TET2: variants seen among roughly 807,000 people sequenced by gnomAD.
TET2 encodes tet methylcytosine dioxygenase 2.
Under a neutral mutation model 142.9 loss-of-function variants are expected in TET2, and 299 were observed. The ratio of observed to expected loss-of-function variants is 2.09; its 90% CI spans 1.90 to 2.30. TET2 has a LOEUF of 2.30. TET2 is among the 30% of genes most tolerant of loss of function. The pLI is 0.00. For missense variants in TET2, 2,418 were observed against 2,378.0 expected, an observed-to-expected ratio of 1.02 and a Z score of -0.35; for synonymous variants, 819 against 849.0, an observed-to-expected ratio of 0.96 and a Z score of 0.61.
chr4:105,216,640 G>C (rs889449256), intron 2 of TET2, among the ~76,000 whole-genome samples: 1 of 152,002 alleles, frequency 6.6e-6, no homozygotes, highest in African/African-American at 2.4e-5. Context: ...ATTTGCCACA[G>C]GTTAAAGCAG....
intron 6 of TET2, among the ~76,000 whole-genome samples, chr4:105,248,432 G>A (rs1454467904): frequency 6.6e-6 from 1 of 152,084 alleles, no homozygotes; most frequent in Non-Finnish European, 1.5e-5. Context: ...GTAAATCAAA[G>A]GTTAAGAATT....
At position 105,272,894 on chromosome 4, in the gene TET2, G is replaced by A. The variant is rs765803723; in HGVS notation, c.4513G>A (p.Ala1505Thr). ...ATCACGTACAAAACAAACTGAAAAC[G>A]CAAGCCAGGCTAAACAGTTGGCAGG... Reference protein sequence around the residue: ...APSRTKQTENASQAKQLAELL... With the variant: ...APSRTKQTENTSQAKQLAELL... The change falls in exon 10 of 11, where the codon GCA (alanine) becomes ACA (threonine). Residue 1505 changes from alanine (A) to threonine (T), a missense_variant. Coordinates refer to ENST00000380013, the MANE Select transcript of TET2 (RefSeq NM_001127208.3). The A allele has an allele frequency of 1.6e-4, 243 of 1,542,290 alleles. No individual in the cohort carries two copies. Among genetic ancestry groups the A allele is most frequent in the Non-Finnish European group, 1.9e-4 (214 of 1,143,714 alleles).
intron 1 of TET2, among the ~76,000 whole-genome samples, chr4:105,185,646 G>T (rs1224051881): frequency 2.0e-5 from 3 of 152,124 alleles, no homozygotes. Flanking sequence ...AGGCGTGGGG[G>T]CATGCGCCTG....
At chr4:105,237,516 T>C in intron 3 of TET2, 165 bp downstream of exon 3, 1 of 1,587,040 alleles carries the variant, frequency 6.3e-7, no homozygotes. Context: ...TACCGATGCT[T>C]GTGTCTTGTG....
intron 2 of TET2, chr4:105,202,628 G>A (rs1377967395): frequency 6.6e-6 from 1 of 152,030 alleles, no homozygotes; most frequent in East Asian, 1.9e-4. Context: ...TTTCCTTAAA[G>A]GCAGTCATTT....
chr4:105,266,809 G>A (rs1370035902), intron 8 of TET2, among the ~76,000 whole-genome samples: 8 of 151,876 alleles, frequency 5.3e-5, no homozygotes, highest in Admixed American at 4.6e-4. Context: ...GGAGGTGGGA[G>A]ACAGAAAAAT....
intron 2 of TET2, among the ~76,000 whole-genome samples, 199 bp from the exon 3 acceptor site, chr4:105,233,698 C>T (rs1279764082): frequency 6.6e-6 from 1 of 152,076 alleles, no homozygotes; most frequent in Non-Finnish European, 1.5e-5. Context: ...TTTAGAGTTG[C>T]TATGAAGACA....
chr4:105,236,676 G>GC lies in TET2; in HGVS notation c.2735dup (p.Gln913AlafsTer11). 1 of 1,614,086 alleles carries GC rather than the reference G, an allele frequency of 6.2e-7. No individual in the cohort carries two copies. The highest frequency in any genetic ancestry group is 1.1e-5 in the South Asian group (1 of 91,086). On this transcript the variant is annotated frameshift_variant, in exon 3 of 11. Transcript: ENST00000380013. LOFTEE classifies it high-confidence loss of function. Reference sequence around the variant, plus strand: ...CCAAGATATGTCTGGTCAACAAGCTGCGCAACTTGCTCAGCAAAGGTACTT... The same window carrying GC: ...CCAAGATATGTCTGGTCAACAAGCTGCCGCAACTTGCTCAGCAAAGGTACTT...
At chr4:105,191,937 C>G (rs563320713) in intron 2 of TET2, among the ~76,000 whole-genome samples, 2 of 152,264 alleles carry the variant, frequency 1.3e-5, no homozygotes, top group Admixed American at 1.3e-4. Context: ...TCTTTCCCCT[C>G]TCATGCTGGA....
chr4:105,182,537 A>G (rs1725180271), intron 1 of TET2, among the ~76,000 whole-genome samples: 1 of 152,216 alleles, frequency 6.6e-6, no homozygotes, highest in African/African-American at 2.4e-5. Flanking sequence ...GACACTTGCA[A>G]TTTTGCAGAA....
At chr4:105,225,836 A>C (rs759242288) in intron 2 of TET2, among the ~76,000 whole-genome samples, 3 of 152,204 alleles carry the variant, frequency 2.0e-5, no homozygotes, top group Non-Finnish European at 4.4e-5. Flanking sequence ...TTCATAAATC[A>C]TCCTCAAATA....
chr4:105,240,675 C>A, intron 3 of TET2: 1 of 1,080,328 alleles, frequency 9.3e-7, no homozygotes, highest in Non-Finnish European at 1.1e-6. Flanking sequence ...TAATCGTCTT[C>A]ACTCTTCTCT....
chr4:105,275,436 C>T lies in TET2; in HGVS notation c.4926C>T (p.Cys1642=). 6.4e-7 allele frequency: 1 copy of T among 1,551,702 alleles called. No homozygotes were observed. The highest frequency in any genetic ancestry group is 8.7e-7 in the Non-Finnish European group (1 of 1,146,980). The stretch of plus-strand genomic sequence containing the variant: ...ATGGAAACCTATCAGTGGACAACTG[C>T]TCCCCATATCTGGGTTCCTATTCTC... ...QCNGNLSVDN[C]SPYLGSYSPQ... The change falls in exon 11 of 11, where the codon TGC becomes TGT. Residue 1642 remains cysteine, a synonymous_variant. Transcript: ENST00000380013.
chr4:105,179,963 G>A (rs1296998545), intron 1 of TET2, among the ~76,000 whole-genome samples: 1 of 152,156 alleles, frequency 6.6e-6, no homozygotes, highest in Admixed American at 6.5e-5. Flanking sequence ...TGGCTACTGA[G>A]CTGAAATAAA....
chr4:105,256,672 A>G (rs1246220732), intron 6 of TET2, among the ~76,000 whole-genome samples: 1 of 152,044 alleles, frequency 6.6e-6, no homozygotes, highest in Non-Finnish European at 1.5e-5. Context: ...TTATTTTTCA[A>G]ATATTCTTCC....
intron 1 of TET2, among the ~76,000 whole-genome samples, chr4:105,168,582 A>G (rs770863254): frequency 7.9e-5 from 12 of 151,022 alleles, no homozygotes; most frequent in Non-Finnish European, 1.8e-4. Context: ...TTTTTTTTTA[A>G]AATTTTATTT....
intron 1 of TET2, among the ~76,000 whole-genome samples, chr4:105,165,320 G>A (rs185147655): frequency 4.6e-5 from 7 of 152,278 alleles, no homozygotes; most frequent in Admixed American, 3.9e-4. Flanking sequence ...AGGTTGCAGT[G>A]AGCTGAGATC....
At chr4:105,270,727 A>T (rs530242870) in intron 9 of TET2, among the ~76,000 whole-genome samples, 1 of 152,046 alleles carries the variant, frequency 6.6e-6, no homozygotes, top group East Asian at 1.9e-4. Flanking sequence ...GGTTCAGGGT[A>T]TAATTTTGCA....
intron 1 of TET2, among the ~76,000 whole-genome samples, chr4:105,149,021 CG>C (rs779775264): frequency 2.0e-5 from 3 of 152,048 alleles, no homozygotes; most frequent in Non-Finnish European, 4.4e-5. Flanking sequence ...GGAATAGAAA[CG>C]GTTCATTGGT....
Sources: allele counts gnomAD v4.1 joint callset (sites outside exome capture counted in the v4.1 genomes callset), GRCh38; gene constraint gnomAD v4.1.1; transcripts MANE v1.5; gene names NCBI Gene and HGNC (gene_info 2026-07-23, HGNC 2026-07-21).